The following ERBB3 variants were observed in gnomAD, a reference collection of about 807,000 sequenced individuals.
ERBB3 encodes erb-b2 receptor tyrosine kinase 3.
A neutral mutation model predicts 156.7 loss-of-function variants in ERBB3; 96 were observed. The ratio of observed to expected loss-of-function variants is 0.61; its 90% CI spans 0.52 to 0.73. The LOEUF (loss-of-function observed/expected upper bound fraction) is 0.73. Among genes scored for constraint, ERBB3 ranks in the 30% least tolerant of loss-of-function variants. The pLI is 0.00. For synonymous variants in ERBB3, 567 were observed against 632.0 expected (o/e 0.90, Z 1.54); for missense variants, 1,406 against 1,709.4 (o/e 0.82, Z 3.13).
intron 27 of ERBB3, 82 bp downstream of exon 27, chr12:56,101,443 T>C: frequency 1.3e-6 from 2 of 1,590,730 alleles, no homozygotes; most frequent in African/African-American, 1.3e-5. Flanking sequence ...TCTGATCATA[T>C]GCCTCTCTGT....
Position 56,095,237 on chromosome 12 carries a change from G to A in ERBB3, c.1860-20G>A, listed in dbSNP as rs764545275. On this transcript the variant is annotated intron_variant, in intron 15 of 27. Transcript: ENST00000267101. ...TCTGCTGTCCAAGCTCTCATTTAAG[G>A]TGGTGACTTTCTTCCCTAGGTGTAA... The A allele has an allele frequency of 1.0e-5, 16 of 1,598,020 alleles. No homozygotes were observed. In the East Asian group the frequency reaches 3.6e-4, roughly 36 times the overall value.
rs1868915853 is a variant in ERBB3, at chr12:56,097,154, T to G, written c.2384T>G (p.Leu795Arg). 1 of 1,614,068 alleles carries G rather than the reference T, an allele frequency of 6.2e-7. No individual in the cohort carries two copies. Among genetic ancestry groups the G allele is most frequent in the Admixed American group, 1.7e-5 (1 of 59,992 alleles). Residue 795 changes from leucine to arginine, a missense_variant, in exon 20 of 28, where the codon CTG (leucine) becomes CGG (arginine). Leu to Arg is a moderately radical substitution (Grantham distance 102). Coordinates refer to ENST00000267101, the MANE Select transcript of ERBB3 (RefSeq NM_001982.4). ...LVTQYLPLGS[L>R]LDHVRQHRGA... The stretch of plus-strand genomic sequence containing the variant: ...ACTCAATATTTGCCTCTGGGTTCTC[T>G]GCTGGATCATGTGAGACAACACCGG...
At chr12:56,094,944 T>C (rs567194321) in intron 15 of ERBB3, among the ~76,000 whole-genome samples, 2 of 127,758 alleles carry the variant, frequency 1.6e-5, no homozygotes, top group South Asian at 2.5e-4. Context: ...AGAGTGAAAC[T>C]CTGTCTCAAA....
rs1868792443 is a variant in ERBB3 at position 56,093,643 on chromosome 12, G to A, written c.1480+93G>A. The A allele has an allele frequency of 1.9e-6, 3 of 1,561,606 alleles. No individual in the cohort carries two copies. The Admixed American group carries it at 5.0e-5, about 26-fold the overall frequency. On this transcript the variant is annotated intron_variant, in intron 12 of 27. Coordinates refer to ENST00000267101, the MANE Select transcript of ERBB3 (RefSeq NM_001982.4). Reference sequence around the variant, plus strand: ...CTGCCCTAGACGTGGGAGTAGGGTTGAGGGATGGAACCAAGGAGAAGGGGG... The same window carrying A: ...CTGCCCTAGACGTGGGAGTAGGGTTAAGGGATGGAACCAAGGAGAAGGGGG...
chr12:56,095,772 A>T lies in ERBB3; in HGVS notation c.2021A>T (p.Lys674Ile), dbSNP rs908433040. 1.2e-6 allele frequency: 2 copies of T among 1,614,230 alleles called. No individual in the cohort carries two copies. Among genetic ancestry groups the T allele is most frequent in the African/African-American group, 2.7e-5 (2 of 75,048 alleles). The change falls in exon 17 of 28, where the codon AAA (lysine) becomes ATA (isoleucine). Residue 674 changes from lysine to isoleucine, a missense_variant. Transcript: ENST00000267101. ...TGGCGTGGGCGCCGGATTCAGAATAAAAGGGCTATGAGGCGATACTTGGAA... is the reference window on the plus strand; with the variant it reads ...TGGCGTGGGCGCCGGATTCAGAATATAAGGGCTATGAGGCGATACTTGGAA... ...LYWRGRRIQN[K>I]RAMRRYLERG... is the part of the protein sequence containing the mutation.
chr12:56,098,722 A>G (rs1868980674), intron 22 of ERBB3, 37 bp from the exon 23 acceptor site: 3 of 1,613,226 alleles, frequency 1.9e-6, no homozygotes, highest in African/African-American at 2.7e-5. Flanking sequence ...CATGTCTACT[A>G]TTTTGCCAGT....
chr12:56,096,481 C>A, intron 17 of ERBB3, 22 bp from the exon 18 acceptor site: 1 of 1,613,446 alleles, frequency 6.2e-7, no homozygotes, highest in Non-Finnish European at 8.5e-7. Flanking sequence ...TCCTGAGTAA[C>A]TCCTTCCCAT....
At chr12:56,089,747 A>C (rs1323112722) in intron 9 of ERBB3, among the ~76,000 whole-genome samples, 1 of 151,714 alleles carries the variant, frequency 6.6e-6, no homozygotes, top group Non-Finnish European at 1.5e-5. Context: ...CTTTCTCAAA[A>C]AAAAAAAAGA....
intron 11 of ERBB3, 63 bp from the exon 12 acceptor site, chr12:56,093,282 A>G: frequency 1.2e-5 from 17 of 1,462,844 alleles, no homozygotes; most frequent in Non-Finnish European, 1.4e-5. Context: ...ACTAACATGA[A>G]TCCTTTGAAT....
Position 56,102,296 on chromosome 12 carries a change from T to G in ERBB3, c.*241T>G. ...GAAAGGTTTTCCTTATTTTGTGTGC[T>G]TTCCCAGTCCCATTCCTCAGCTTCT... On this transcript the variant is annotated 3_prime_UTR_variant, in exon 28 of 28. Coordinates refer to ENST00000267101, the MANE Select transcript of ERBB3 (RefSeq NM_001982.4). The G allele has an allele frequency of 1.9e-6, 1 of 531,636 alleles. No homozygotes were observed. Among genetic ancestry groups the G allele is most frequent in the Non-Finnish European group, 3.4e-6 (1 of 295,142 alleles). The allele number at this position is 531,636 out of a possible 1,614,324, so 32.9% of individuals were successfully genotyped here. A position where few individuals can be genotyped will look rare whatever the true frequency, so the allele number is the denominator to read the frequency against.
Position 56,102,508 on chromosome 12 carries a change from C to G in ERBB3, c.*453C>G. On this transcript the variant is annotated 3_prime_UTR_variant, in exon 28 of 28. Transcript: ENST00000267101. The stretch of plus-strand genomic sequence containing the variant: ...TATGACTCTTAACCCCCTAGAAAGA[C>G]AGAAGCTTAAAATCTGTGAAGAAAG... The G allele has an allele frequency of 4.1e-6, 1 of 244,998 alleles. No individual in the cohort carries two copies. Among genetic ancestry groups the G allele is most frequent in the Non-Finnish European group, 8.0e-6 (1 of 124,772 alleles). The allele number at this position is 244,998 out of a possible 1,614,324, so 15.2% of individuals were successfully genotyped here. A position where few individuals can be genotyped will look rare whatever the true frequency, so the allele number is the denominator to read the frequency against.
chr12:56,091,295 T>A (rs1193596867), intron 9 of ERBB3, among the ~76,000 whole-genome samples: 3 of 63,746 alleles, frequency 4.7e-5, no homozygotes, highest in Admixed American at 1.9e-4. Flanking sequence ...TATATATATA[T>A]AAATAATATA....
intron 20 of ERBB3, 42 bp from the exon 21 acceptor site, chr12:56,097,743 T>C: frequency 1.3e-6 from 2 of 1,597,354 alleles, no homozygotes; most frequent in African/African-American, 1.3e-5. Context: ...CAGTGACTGA[T>C]TCCCCCAACC....
intron 24 of ERBB3, 41 bp downstream of exon 24, chr12:56,099,786 G>C (rs1484504438): frequency 1.2e-6 from 2 of 1,612,938 alleles, no homozygotes; most frequent in East Asian, 2.2e-5. Context: ...TTTAGAAAAA[G>C]GAGGAGTTGG....
chr12:56,092,586 T>C (rs970995732), intron 9 of ERBB3, among the ~76,000 whole-genome samples, 161 bp from the exon 10 acceptor site: 4 of 152,128 alleles, frequency 2.6e-5, no homozygotes, highest in African/African-American at 9.7e-5. Flanking sequence ...CACAAGATGC[T>C]CTGGGCTTAT....
intron 19 of ERBB3, 91 bp downstream of exon 19, chr12:56,096,937 A>C: frequency 8.5e-7 from 1 of 1,182,774 alleles, no homozygotes; most frequent in Non-Finnish European, 1.2e-6. Flanking sequence ...CTCAGCAGCT[A>C]CTATGTTAGC....
chr12:56,086,404 A>G (rs1312866697), intron 3 of ERBB3, 127 bp from the exon 4 acceptor site: 2 of 1,151,014 alleles, frequency 1.7e-6, no homozygotes, highest in Admixed American at 3.4e-5. Context: ...CTTAGATTTA[A>G]TTGGACCTAT....
rs747748100 is a variant in ERBB3 at position 56,088,857 on chromosome 12, C to G, written c.1098C>G (p.Thr366=). The change falls in exon 9 of 28, where the codon ACC becomes ACG. Residue 366 remains threonine (T), a synonymous_variant. Transcript: ENST00000267101. ...KILGNLDFLI[T]GLNGDPWHKI... Reference sequence around the variant, plus strand: ...TGGGCAACCTGGACTTTCTGATCACCGGCCTCAATGGGTTAGAGATCCTGC... The same window carrying G: ...TGGGCAACCTGGACTTTCTGATCACGGGCCTCAATGGGTTAGAGATCCTGC... 1 of 1,614,038 alleles carries G rather than the reference C, an allele frequency of 6.2e-7. No homozygotes were observed. Among genetic ancestry groups the G allele is most frequent in the South Asian group, 1.1e-5 (1 of 91,062 alleles).
intron 17 of ERBB3, 138 bp from the exon 18 acceptor site, chr12:56,096,365 A>G: frequency 9.7e-7 from 1 of 1,029,000 alleles, no homozygotes; most frequent in Non-Finnish European, 1.5e-6. Context: ...TATGCCTATA[A>G]TCCATTCCAG....
Sources: allele counts gnomAD v4.1 joint callset (sites outside exome capture counted in the v4.1 genomes callset), GRCh38; gene constraint gnomAD v4.1.1; transcripts MANE v1.5; gene names NCBI Gene and HGNC (gene_info 2026-07-23, HGNC 2026-07-21).